Variants in PAH observed in about 807,000 individuals in gnomAD.
PAH encodes phenylalanine-4-hydroxylase.
A neutral mutation model predicts 62.0 loss-of-function variants in PAH; 64 were observed. The ratio of observed to expected loss-of-function variants is 1.03; its 90% confidence interval spans 0.84 to 1.27. The LOEUF (loss-of-function observed/expected upper bound fraction) is 1.27. PAH is among the 50% of genes most tolerant of loss of function. The pLI, the probability that PAH is intolerant of heterozygous loss-of-function variation, is 0.00. For missense variants in PAH, 579 were observed against 542.8 expected (o/e 1.07, Z -0.66); for synonymous variants, 195 against 196.2 (o/e 0.99, Z 0.05).
At chr12:102,849,994 G>T (rs544120295) in intron 8 of PAH, among the ~76,000 whole-genome samples, 1 of 152,356 alleles carries the variant, frequency 6.6e-6, no homozygotes, top group Admixed American at 6.5e-5. Flanking sequence ...CTTCTGTGGG[G>T]TTCCCCAAAG....
intron 4 of PAH, among the ~76,000 whole-genome samples, chr12:102,872,490 A>G (rs1256410080): frequency 6.6e-6 from 1 of 152,238 alleles, no homozygotes; most frequent in Non-Finnish European, 1.5e-5. Context: ...TTGATGACTC[A>G]ACTAGCTGAC....
chr12:102,874,650 T>G (rs1290064613), intron 4 of PAH, among the ~76,000 whole-genome samples: 1 of 152,048 alleles, frequency 6.6e-6, no homozygotes, highest in East Asian at 1.9e-4. Context: ...ACTAAAAGAT[T>G]TTGGAAAAAA....
chr12:102,921,191 A>G (rs541962557), upstream of PAH, among the ~76,000 whole-genome samples: 1 of 152,316 alleles, frequency 6.6e-6, no homozygotes, highest in South Asian at 2.1e-4. Context: ...GTATTCTCCA[A>G]AGGTCAGAAT....
At chr12:102,912,484 CTT>C (rs1310879459) in intron 2 of PAH, among the ~76,000 whole-genome samples, 2 of 152,006 alleles carry the variant, frequency 1.3e-5, no homozygotes, top group East Asian at 3.9e-4. Context: ...TCACATATGA[CTT>C]ATAGTTAATC....
chr12:102,873,640 G>A (rs991405867), intron 4 of PAH, among the ~76,000 whole-genome samples: 2 of 152,164 alleles, frequency 1.3e-5, no homozygotes, highest in African/African-American at 4.8e-5. Context: ...TCTGACTCAT[G>A]AAACCTGGCA....
chr12:102,886,539 A>T (rs1318218490), intron 3 of PAH, among the ~76,000 whole-genome samples: 8 of 152,106 alleles, frequency 5.3e-5, no homozygotes, highest in Non-Finnish European at 2.9e-5. Context: ...TCACCATTGC[A>T]TTGAGATCTG....
chr12:102,845,838 A>G (rs1401339270), intron 9 of PAH, among the ~76,000 whole-genome samples: 1 of 152,148 alleles, frequency 6.6e-6, no homozygotes, highest in Non-Finnish European at 1.5e-5. Context: ...TCCTCAACCA[A>G]TCAGTAACAT....
chr12:102,877,351 T>G, intron 4 of PAH, 111 bp downstream of exon 4: 1 of 857,306 alleles, frequency 1.2e-6, no homozygotes, highest in Non-Finnish European at 2.0e-6. Flanking sequence ...ACAATAAGTG[T>G]TTGTTGAACA....
At chr12:102,903,307 G>C (rs1417087676) in intron 2 of PAH, among the ~76,000 whole-genome samples, 1 of 151,536 alleles carries the variant, frequency 6.6e-6, no homozygotes, top group East Asian at 1.9e-4. Context: ...GTTGAGGTGG[G>C]CTGAGATCGT....
At chr12:102,938,701 C>T (rs972385925) in intron 1 of PAH, among the ~76,000 whole-genome samples, 2 of 152,192 alleles carry the variant, frequency 1.3e-5, no homozygotes, top group Non-Finnish European at 2.9e-5. Flanking sequence ...TGTCTGCTGT[C>T]TTGGCCCTCA....
At chr12:102,853,055 T>C (rs1266307550) in intron 6 of PAH, 105 bp from the exon 7 acceptor site, 5 of 1,272,628 alleles carry the variant, frequency 3.9e-6, no homozygotes, top group Non-Finnish European at 5.6e-6. Context: ...CCCAGGGACA[T>C]AGGCTTTGAC....
At chr12:102,840,345 G>T in intron 12 of PAH, 55 bp downstream of exon 12, 1 of 1,030,118 alleles carries the variant, frequency 9.7e-7, no homozygotes, top group Non-Finnish European at 1.5e-6. Flanking sequence ...GGTAGGGAAA[G>T]ACAGTCTTCG....
intron 1 of PAH, among the ~76,000 whole-genome samples, chr12:102,940,805 A>G (rs1879260636): frequency 6.6e-6 from 1 of 152,200 alleles, no homozygotes; most frequent in African/African-American, 2.4e-5. Context: ...CGATGTTCAT[A>G]TTCAGAAAAT....
chr12:102,840,355 G>T, intron 12 of PAH, 45 bp downstream of exon 12: 1 of 1,128,014 alleles, frequency 8.9e-7, no homozygotes, highest in Non-Finnish European at 1.4e-6. Flanking sequence ...GACAGTCTTC[G>T]ATTACTGAGA....
chr12:102,933,597 T>C (rs1413412172), intron 1 of PAH, among the ~76,000 whole-genome samples: 1 of 152,054 alleles, frequency 6.6e-6, no homozygotes, highest in African/African-American at 2.4e-5. Flanking sequence ...ACCAACAGCA[T>C]ACAAGAGTTC....
intron 2 of PAH, among the ~76,000 whole-genome samples, chr12:102,899,834 G>A (rs1464636871): frequency 9.6e-6 from 1 of 104,250 alleles, no homozygotes; most frequent in East Asian, 2.6e-4. Context: ...ACTCCAGCCT[G>A]GGCGACAGAG....
At chr12:102,907,637 C>A (rs868302266) in intron 2 of PAH, among the ~76,000 whole-genome samples, 1 of 150,776 alleles carries the variant, frequency 6.6e-6, no homozygotes, top group Non-Finnish European at 1.5e-5. Context: ...AGGGAGGGGG[C>A]GGACAGAGTC....
At chr12:102,958,340 TGCCACGGCCGCAGCCGCGGCG>T (rs1879997123) in exon 1 of PAH, 2 of 1,458,104 alleles carry the variant, frequency 1.4e-6, no homozygotes, top group African/African-American at 1.5e-5. Context: ...CCTGTTTCTT[TGCCACGGCCGCAGCCGCGGCG>T]GCCGCAGCCG....
At chr12:102,954,080 G>T (rs1879843119), upstream of PAH, among the ~76,000 whole-genome samples, 1 of 152,226 alleles carries the variant, frequency 6.6e-6, no homozygotes, top group African/African-American at 2.4e-5. Flanking sequence ...CTAAGGACTT[G>T]CTCAGAATCA....
Sources: allele counts gnomAD v4.1 joint callset (sites outside exome capture counted in the v4.1 genomes callset), GRCh38; gene constraint gnomAD v4.1.1; transcripts MANE v1.5; gene names NCBI Gene and HGNC (gene_info 2026-07-23, HGNC 2026-07-21).